Variants in LAMA2 observed in about 807,000 individuals in gnomAD.
LAMA2 encodes the protein laminin subunit alpha-2.
A neutral mutation model predicts 364.8 loss-of-function variants in LAMA2; 269 were observed. The ratio of observed to expected loss-of-function variants is 0.74; its 90% CI spans 0.67 to 0.82. LAMA2 has a LOEUF of 0.82. Ranked by LOEUF, LAMA2 falls within the 40% of genes least tolerant of loss-of-function variation. LAMA2 has a pLI of 0.00. For synonymous variants in LAMA2, 1,379 were observed against 1,370.6 expected, an observed-to-expected ratio of 1.01 and a Z score of -0.14; for missense variants, 3,807 against 3,873.2, an observed-to-expected ratio of 0.98 and a Z score of 0.45.
intron 1 of LAMA2, among the ~76,000 whole-genome samples, chr6:128,890,312 T>G (rs1272918879): frequency 6.6e-6 from 1 of 152,112 alleles, no homozygotes; most frequent in Non-Finnish European, 1.5e-5. Flanking sequence ...AAACAAAAAT[T>G]CCAATGCTTA....
At chr6:129,052,305 CTTT>C (rs71272306) in intron 2 of LAMA2, among the ~76,000 whole-genome samples, 1 of 131,268 alleles carries the variant, frequency 7.6e-6, no homozygotes, top group Non-Finnish European at 1.6e-5. Flanking sequence ...CCGGCTAATT[CTTT>C]TTTTTTTTTT....
At chr6:128,969,469 T>A (rs191287725) in intron 1 of LAMA2, among the ~76,000 whole-genome samples, 2 of 152,174 alleles carry the variant, frequency 1.3e-5, no homozygotes, top group Non-Finnish European at 2.9e-5. Flanking sequence ...TCTCACTCTG[T>A]TGCCCAGGCT....
intron 12 of LAMA2, among the ~76,000 whole-genome samples, chr6:129,222,112 A>C (rs773715912): frequency 6.6e-6 from 1 of 152,170 alleles, no homozygotes; most frequent in Non-Finnish European, 1.5e-5. Flanking sequence ...GATAGTTGCA[A>C]ACATTGCTCA....
intron 41 of LAMA2, among the ~76,000 whole-genome samples, chr6:129,433,156 G>A (rs1293733460): frequency 6.6e-6 from 1 of 152,092 alleles, no homozygotes; most frequent in Non-Finnish European, 1.5e-5. Context: ...CATGAAAGAA[G>A]GCTAGAAATA....
chr6:129,157,775 G>T (rs1384068905), intron 8 of LAMA2: 1 of 1,612,886 alleles, frequency 6.2e-7, no homozygotes, highest in African/African-American at 1.3e-5. Flanking sequence ...AGTCTTCCAC[G>T]ATCCCTCCTG....
chr6:129,055,346 T>C (rs1282037042), intron 2 of LAMA2, among the ~76,000 whole-genome samples: 1 of 151,800 alleles, frequency 6.6e-6, no homozygotes, highest in East Asian at 1.9e-4. Context: ...CGTGTGCCAC[T>C]GCGTCTGGCT....
chr6:129,015,396 C>G (rs9385477), intron 1 of LAMA2, among the ~76,000 whole-genome samples: 93,571 of 151,840 alleles, frequency 0.62, 30,846 homozygotes, highest in East Asian at 0.96. Flanking sequence ...GCATCAACCT[C>G]TCCTCTCCAG....
At chr6:129,158,563 G>A in intron 8 of LAMA2, 2 of 1,614,006 alleles carry the variant, frequency 1.2e-6, no homozygotes, top group South Asian at 1.1e-5. Flanking sequence ...TTGTAACGAC[G>A]TCTGCTTGAG....
chr6:129,077,830 T>C (rs186607073), intron 3 of LAMA2, among the ~76,000 whole-genome samples: 3 of 152,294 alleles, frequency 2.0e-5, no homozygotes, highest in Non-Finnish European at 4.4e-5. Context: ...CAAGACACTA[T>C]TTCTCACTTT....
At chr6:129,277,264 G>A (rs192854661) in intron 17 of LAMA2, among the ~76,000 whole-genome samples, 56 of 152,200 alleles carry the variant, frequency 3.7e-4, no homozygotes, top group African/African-American at 9.6e-4. Context: ...TTTGTGTCAC[G>A]GAACAATTAG....
intron 51 of LAMA2, among the ~76,000 whole-genome samples, chr6:129,472,070 C>G (rs1783839363): frequency 6.6e-6 from 1 of 151,846 alleles, no homozygotes; most frequent in African/African-American, 2.4e-5. Context: ...TGCTCTATGT[C>G]CTTCTCTAGG....
At chr6:128,925,246 A>C (rs978213244) in intron 1 of LAMA2, among the ~76,000 whole-genome samples, 9 of 152,206 alleles carry the variant, frequency 5.9e-5, no homozygotes, top group Non-Finnish European at 1.0e-4. Flanking sequence ...TACAATGGCC[A>C]AAAGGTGGGA....
At chr6:129,200,158 A>G (rs927780659) in intron 12 of LAMA2, among the ~76,000 whole-genome samples, 2 of 145,770 alleles carry the variant, frequency 1.4e-5, no homozygotes, top group Admixed American at 1.4e-4. Flanking sequence ...ACACGTGTAT[A>G]TATATATACG....
At position 129,320,558 on chromosome 6, in the gene LAMA2, A is replaced by G. The variant is rs757467683; in HGVS notation, c.4079A>G (p.Glu1360Gly). 1.2e-6 allele frequency: 2 copies of G among 1,609,048 alleles called. No individual in the cohort carries two copies. Among genetic ancestry groups the G allele is most frequent in the Non-Finnish European group, 1.7e-6 (2 of 1,175,408 alleles). The change falls in exon 28 of 65, where the codon GAG (glutamate) becomes GGG (glycine). Residue 1360 changes from glutamate (E) to glycine (G), a missense_variant. Glu to Gly is a moderately conservative substitution (Grantham distance 98). Coordinates refer to ENST00000421865, the MANE Select transcript of LAMA2 (RefSeq NM_000426.4). ...TCTAGGATTTCTGAAATCTCAATGGAGGTAGCTGAACAAGGACGTGGAACA... is the reference window on the plus strand; with the variant it reads ...TCTAGGATTTCTGAAATCTCAATGGGGGTAGCTGAACAAGGACGTGGAACA... ...RQSRISEISM[E>G]VAEQGRGTTM...
intron 3 of LAMA2, among the ~76,000 whole-genome samples, chr6:129,095,006 C>T (rs568811618): frequency 4.6e-5 from 7 of 152,284 alleles, no homozygotes; most frequent in African/African-American, 1.7e-4. Flanking sequence ...ATAACCATAA[C>T]GTGGAAGCAC....
At chr6:129,391,231 A>C (rs1356584656) in intron 35 of LAMA2, among the ~76,000 whole-genome samples, 1 of 151,712 alleles carries the variant, frequency 6.6e-6, no homozygotes, top group Non-Finnish European at 1.5e-5. Context: ...TCTTTATTTT[A>C]ATTCTTTCTT....
intron 55 of LAMA2, among the ~76,000 whole-genome samples, chr6:129,485,454 G>A (rs80282669): frequency 0.024 from 3,605 of 152,230 alleles, 133 homozygotes; most frequent in African/African-American, 0.082. Context: ...TCTGAAGGAG[G>A]AACCAATGTT....
intron 58 of LAMA2, among the ~76,000 whole-genome samples, chr6:129,502,354 A>T (rs1439911455): frequency 6.6e-6 from 1 of 152,228 alleles, no homozygotes; most frequent in Non-Finnish European, 1.5e-5. Context: ...GAAAAATGAA[A>T]GGGAAATTCC....
chr6:128,890,886 T>C (rs1409259025), intron 1 of LAMA2, among the ~76,000 whole-genome samples: 1 of 152,088 alleles, frequency 6.6e-6, no homozygotes, highest in African/African-American at 2.4e-5. Flanking sequence ...AAGATTAATC[T>C]CAAAATTCCT....
Sources: gnomAD v4.1 joint callset for allele counts (sites outside exome capture counted in the v4.1 genomes callset) on GRCh38, gnomAD v4.1.1 for gene constraint, MANE v1.5 for transcripts, NCBI Gene and HGNC (gene_info 2026-07-23, HGNC 2026-07-21) for gene names.